The following ANOS1 variants were observed in gnomAD, a reference collection of about 807,000 sequenced individuals.
The protein encoded by ANOS1 is anosmin 1, also known as anosmin-1.
Under a neutral mutation model 59.0 loss-of-function variants are expected in ANOS1, and 6 were observed. The ratio of observed to expected loss-of-function variants is 0.10; its 90% CI spans 0.06 to 0.20. The LOEUF is 0.20. ANOS1 is among the 10% of genes least tolerant of loss of function. The probability of loss-of-function intolerance (pLI) is 1.00; values close to 1 mark genes in which losing one functional copy is unlikely to be tolerated. For missense variants in ANOS1, 433 were observed against 542.3 expected (o/e 0.80, Z 2.00); for synonymous variants, 217 against 223.4 (o/e 0.97, Z 0.25).
chrX:8,722,649 T>G (rs1282110906), intron 1 of ANOS1, among the ~76,000 whole-genome samples: 2 of 111,687 alleles, frequency 1.8e-5, no homozygotes, highest in African/African-American at 6.5e-5. Context: ...TGATGGGAAT[T>G]TGGGCTGGTT....
At chrX:8,669,595 T>A (rs867418687) in intron 2 of ANOS1, among the ~76,000 whole-genome samples, 1 of 104,328 alleles carries the variant, frequency 9.6e-6, no homozygotes, top group Non-Finnish European at 2.0e-5. Flanking sequence ...CCAAAACTGC[T>A]AAAAAAAAAA....
chrX:8,613,491 G>A (rs1454708195), intron 3 of ANOS1, among the ~76,000 whole-genome samples: 1 of 111,380 alleles, frequency 9.0e-6, no homozygotes, highest in African/African-American at 3.3e-5. Flanking sequence ...CTCCCAAAAT[G>A]CTGGTATTAC....
intron 1 of ANOS1, among the ~76,000 whole-genome samples, chrX:8,717,236 A>T (rs186618358): frequency 8.9e-6 from 1 of 112,406 alleles, no homozygotes; most frequent in East Asian, 2.8e-4. Flanking sequence ...AAAATTGTGG[A>T]GTAATAAAGT....
chrX:8,539,912 A>G (rs1929655573), intron 9 of ANOS1, among the ~76,000 whole-genome samples, 154 bp from the exon 10 acceptor site: 1 of 107,277 alleles, frequency 9.3e-6, no homozygotes, highest in Admixed American at 1.0e-4. Context: ...TGAGATTCTG[A>G]TTACTTAATA....
intron 9 of ANOS1, among the ~76,000 whole-genome samples, chrX:8,551,804 A>T (rs925812156): frequency 9.0e-6 from 1 of 111,493 alleles, no homozygotes; most frequent in Admixed American, 9.5e-5. Context: ...GAAACCCCAT[A>T]TCTACTAAAA....
chrX:8,729,686 G>T (rs1174005257), intron 1 of ANOS1, among the ~76,000 whole-genome samples: 1 of 86,335 alleles, frequency 1.2e-5, no homozygotes, highest in Admixed American at 1.5e-4. Flanking sequence ...GAGCCACTGC[G>T]CCCGGCCCAT....
At chrX:8,628,353 C>T (rs75634039) in intron 2 of ANOS1, among the ~76,000 whole-genome samples, 9,362 of 111,666 alleles carry the variant, frequency 0.084, 495 homozygotes, top group South Asian at 0.23. Context: ...TAAGTTTACT[C>T]AATCAAGCAG....
intron 2 of ANOS1, among the ~76,000 whole-genome samples, chrX:8,648,645 G>A (rs1931800974): frequency 9.0e-6 from 1 of 111,215 alleles, no homozygotes; most frequent in Non-Finnish European, 1.9e-5. Flanking sequence ...GTTAAAAATT[G>A]TTTGTGTTAA....
intron 1 of ANOS1, among the ~76,000 whole-genome samples, chrX:8,729,712 T>TAAAAAAAAAAAAAAAAAAAAA (rs1173021674): frequency 1.6e-5 from 1 of 63,087 alleles, no homozygotes; most frequent in African/African-American, 5.9e-5. Flanking sequence ...TTCTAATTAT[T>TAAAAAAAAAAAAAAAAAAAAA]AAAAAAAAAA....
At chrX:8,646,020 T>C (rs1401443534) in intron 2 of ANOS1, among the ~76,000 whole-genome samples, 2 of 110,121 alleles carry the variant, frequency 1.8e-5, no homozygotes, top group African/African-American at 3.3e-5. Flanking sequence ...ACTCCTGACC[T>C]CAGGTGATCC....
At chrX:8,586,435 C>T (rs1015325351) in intron 5 of ANOS1, among the ~76,000 whole-genome samples, 6 of 111,917 alleles carry the variant, frequency 5.4e-5, no homozygotes, top group African/African-American at 1.3e-4. Flanking sequence ...GTTTCAGCTG[C>T]GAATTTAAAA....
intron 2 of ANOS1, among the ~76,000 whole-genome samples, chrX:8,687,344 C>T (rs2146890803): frequency 9.1e-6 from 1 of 110,409 alleles, no homozygotes; most frequent in African/African-American, 3.3e-5. Flanking sequence ...GCTTATACTT[C>T]ATTGTCACTT....
intron 3 of ANOS1, among the ~76,000 whole-genome samples, chrX:8,618,723 T>C (rs1931218935): frequency 8.9e-6 from 1 of 111,977 alleles, no homozygotes. Flanking sequence ...CCTAGGAAAA[T>C]GTATATTTTG....
chrX:8,717,107 G>T (rs1231407706), intron 1 of ANOS1, among the ~76,000 whole-genome samples: 2 of 111,445 alleles, frequency 1.8e-5, no homozygotes, highest in African/African-American at 6.5e-5. Flanking sequence ...CAGTGTCATA[G>T]TTGACAAACC....
At chrX:8,706,453 G>A (rs1237459243) in intron 1 of ANOS1, among the ~76,000 whole-genome samples, 1 of 112,402 alleles carries the variant, frequency 8.9e-6, no homozygotes, top group Non-Finnish European at 1.9e-5. Context: ...TTATTTTAAA[G>A]CAATAGATGA....
At chrX:8,730,894 C>A (rs1259043101) in intron 1 of ANOS1, among the ~76,000 whole-genome samples, 2 of 112,814 alleles carry the variant, frequency 1.8e-5, no homozygotes, top group African/African-American at 6.4e-5. Context: ...AGTCCGGAAC[C>A]TGCTCTCGTG....
At chrX:8,566,006 CT>C in intron 8 of ANOS1, 1 of 754,731 alleles carries the variant, frequency 1.3e-6, no homozygotes, top group Non-Finnish European at 1.6e-6. Context: ...CACCTTCATT[CT>C]TTCCTCACGC....
Position 8,534,444 on chromosome X carries a change from G to C in ANOS1, c.1859C>G (p.Thr620Arg). Residue 620 changes from threonine (T) to arginine (R), a missense_variant, in exon 13 of 14, where the codon ACA becomes AGA. By Grantham distance (71) the Thr-to-Arg change is moderately conservative. Coordinates refer to ENST00000262648, the MANE Select transcript of ANOS1 (RefSeq NM_000216.4). ...AGTAGATGGTCTCAGATTGGGCACT[G>C]TTAGGACATAATGATCCTAAGGGGA... The part of the protein sequence containing the change: ...QILPSDHYVL[T>R]VPNLRPSTLY... 2 of 1,210,484 alleles carry C rather than the reference G, an allele frequency of 1.7e-6. No individual in the cohort carries two copies. The highest frequency in any genetic ancestry group is 1.8e-5 in the South Asian group (1 of 56,856).
intron 3 of ANOS1, among the ~76,000 whole-genome samples, chrX:8,610,350 C>T (rs1454945744): frequency 8.9e-6 from 1 of 111,832 alleles, no homozygotes; most frequent in Non-Finnish European, 1.9e-5. Flanking sequence ...ATGAGATGAG[C>T]TACAATTTTG....
Sources: allele counts gnomAD v4.1 joint callset (sites outside exome capture counted in the v4.1 genomes callset), GRCh38; gene constraint gnomAD v4.1.1; transcripts MANE v1.5; gene names NCBI Gene and HGNC (gene_info 2026-07-23, HGNC 2026-07-21).